The following LRIG2 variants were observed in gnomAD, a reference collection of about 807,000 sequenced individuals.
LRIG2 encodes the protein leucine rich repeats and immunoglobulin like domains 2.
Under a neutral mutation model 107.8 loss-of-function variants are expected in LRIG2, and 93 were observed. That is an observed-to-expected ratio of 0.86 (90% CI 0.73 to 1.03). The LOEUF (loss-of-function observed/expected upper bound fraction) is 1.03, where lower values mean the gene tolerates loss of function less well. Among genes scored for constraint, LRIG2 ranks in the 50% least tolerant of loss-of-function variants. The pLI is 0.00. For synonymous variants in LRIG2, 471 were observed against 470.6 expected (o/e 1.00, Z -0.01); for missense variants, 1,226 against 1,296.0 (o/e 0.95, Z 0.83).
intron 11 of LRIG2, among the ~76,000 whole-genome samples, chr1:113,105,290 TAAC>T (rs1167436232): frequency 3.3e-5 from 5 of 152,198 alleles, no homozygotes; most frequent in African/African-American, 1.2e-4. Flanking sequence ...CACAAGTACT[TAAC>T]AGAGTATACG....
chr1:113,105,759 C>T (rs1466629287), intron 11 of LRIG2, among the ~76,000 whole-genome samples: 3 of 152,104 alleles, frequency 2.0e-5, no homozygotes, highest in Non-Finnish European at 2.9e-5. Context: ...AACACAGTTG[C>T]GTTAAAGTTC....
At chr1:113,079,028 A>G (rs1011351183) in intron 1 of LRIG2, among the ~76,000 whole-genome samples, 10 of 152,292 alleles carry the variant, frequency 6.6e-5, no homozygotes, top group Middle Eastern at 6.8e-3. Flanking sequence ...TAATAGCTTT[A>G]AACCACAAGT....
intron 10 of LRIG2, 26 bp downstream of exon 10, chr1:113,100,308 T>C (rs1187428495): frequency 1.3e-6 from 2 of 1,557,982 alleles, no homozygotes; most frequent in South Asian, 2.3e-5. Flanking sequence ...ACATTTTGCT[T>C]ACTCTATAAA....
intron 13 of LRIG2, 49 bp downstream of exon 13, chr1:113,110,611 T>C (rs761879043): frequency 1.5e-6 from 2 of 1,340,436 alleles, no homozygotes; most frequent in Non-Finnish European, 2.1e-6. Context: ...GGATTTTTCA[T>C]GTTCAGTTTT....
At chr1:113,086,612 G>C (rs1019022238) in intron 1 of LRIG2, among the ~76,000 whole-genome samples, 1 of 152,142 alleles carries the variant, frequency 6.6e-6, no homozygotes, top group Non-Finnish European at 1.5e-5. Flanking sequence ...GTTGCAATTA[G>C]CTTGCTGAAC....
At chr1:113,074,266 AGAG>A (rs781114596) in intron 1 of LRIG2, among the ~76,000 whole-genome samples, 3 of 152,204 alleles carry the variant, frequency 2.0e-5, no homozygotes, top group Admixed American at 6.6e-5. Context: ...TTCACTGTAA[AGAG>A]GAGGAGTATT....
At chr1:113,076,395 T>C (rs1229314189) in intron 1 of LRIG2, among the ~76,000 whole-genome samples, 2 of 152,356 alleles carry the variant, frequency 1.3e-5, no homozygotes, top group East Asian at 3.9e-4. Flanking sequence ...TAAGGTTTGA[T>C]TTTTGTTTAA....
chr1:113,127,432 A>G lies in LRIG2; in HGVS notation c.*3331A>G, dbSNP rs1052271034. 7.4e-6 allele frequency: 1 copy of G among 134,284 alleles called. No homozygotes were observed. The highest frequency in any genetic ancestry group is 1.5e-5 in the Non-Finnish European group (1 of 64,832). 8.3% of individuals were successfully genotyped at this position (134,284 alleles called of 1,614,324 possible). ...TTTTTAGTAGAGATGGGGTTTCACC[A>G]TGTTGGCCAGGCTGGTCTTGAACTC... On this transcript the variant is annotated 3_prime_UTR_variant, in exon 18 of 18. Transcript: ENST00000361127.
intron 2 of LRIG2, among the ~76,000 whole-genome samples, chr1:113,092,761 T>C (rs1262033823): frequency 6.6e-6 from 1 of 152,158 alleles, no homozygotes; most frequent in African/African-American, 2.4e-5. Flanking sequence ...GAGGCCAAGG[T>C]GGGCAGATCA....
intron 15 of LRIG2, among the ~76,000 whole-genome samples, chr1:113,115,600 T>C (rs1248973638): frequency 6.6e-6 from 1 of 151,624 alleles, no homozygotes; most frequent in Non-Finnish European, 1.5e-5. Context: ...TGATCTTGGC[T>C]CAATGCAACT....
At chr1:113,100,740 C>T (rs910872016) in intron 11 of LRIG2, 5 of 325,862 alleles carry the variant, frequency 1.5e-5, no homozygotes, top group Non-Finnish European at 2.3e-5. Context: ...TAGGAGACCT[C>T]AGCACTGCTC....
intron 16 of LRIG2, among the ~76,000 whole-genome samples, chr1:113,118,757 C>G (rs533478034): frequency 6.6e-6 from 1 of 152,028 alleles, no homozygotes; most frequent in Non-Finnish European, 1.5e-5. Context: ...CTCCGCCTCC[C>G]GGGTTCACGC....
In LRIG2 at chr1:113,094,532, G is replaced by A. The variant is rs902451430; in HGVS notation, c.659+50G>A. 8 of 1,574,066 alleles carry A rather than the reference G, an allele frequency of 5.1e-6. No individual in the cohort carries two copies. The African/African-American group carries it at 9.6e-5, about 19-fold the overall frequency. ...TAAGAAGATAGTTTTTTCTTACAGG[G>A]TCTTTTTCTTTTTAATTTAATTACT... On this transcript the variant is annotated intron_variant, in intron 5 of 17. Transcript: ENST00000361127.
intron 1 of LRIG2, among the ~76,000 whole-genome samples, chr1:113,085,603 T>TAA (rs1653513991): frequency 6.6e-6 from 1 of 152,134 alleles, no homozygotes; most frequent in Non-Finnish European, 1.5e-5. Context: ...GATCTTTACC[T>TAA]AATGTTTATC....
chr1:113,117,402 C>CT (rs1325128315), intron 16 of LRIG2, among the ~76,000 whole-genome samples: 1 of 152,162 alleles, frequency 6.6e-6, no homozygotes, highest in Non-Finnish European at 1.5e-5. Flanking sequence ...TCTTCAGAGA[C>CT]TTTTTTAGGC....
At position 113,096,286 on chromosome 1, in the gene LRIG2, G is replaced by A; in HGVS notation, c.1012G>A (p.Glu338Lys). ...TGCCTTTGTGGGTCTGAGCTTATTG[G>A]AGAGATTGAATTTAGGAGACAACAG... is the stretch of plus-strand genomic sequence containing the variant. ...ESAFVGLSLL[E>K]RLNLGDNRVT... Residue 338 changes from glutamate to lysine, a missense_variant, in exon 8 of 18, where the codon GAG (glutamate) becomes AAG (lysine). Physicochemically the swap from Glu to Lys is moderately conservative, Grantham distance 56. Transcript: ENST00000361127. The A allele has an allele frequency of 6.2e-7, 1 of 1,614,178 alleles. No homozygotes were observed.
chr1:113,114,859 A>G lies in LRIG2; in HGVS notation c.2513A>G (p.Tyr838Cys), dbSNP rs781054147. Residue 838 changes from tyrosine to cysteine, a missense_variant, in exon 15 of 18, where the codon TAT (tyrosine) becomes TGT (cysteine). Around this residue, in one of 3 missense-constraint regions of LRIG2, gnomAD observed 642 missense variants for 712.2 expected, o/e 0.90. Transcript: ENST00000361127. ...IYHMRRKNED[Y>C]SITNTEELNL... is the part of the protein sequence containing the mutation. ...CACATGAGAAGGAAAAATGAAGACT[A>G]TAGTATCACAAACACAGGTAAGTAG... 21 of 1,609,328 alleles carry G rather than the reference A, an allele frequency of 1.3e-5. No homozygotes were observed. Among genetic ancestry groups the G allele is most frequent in the Middle Eastern group, 1.6e-4 (1 of 6,072 alleles).
chr1:113,073,618 G>A lies in LRIG2; in HGVS notation c.212G>A (p.Gly71Asp), dbSNP rs762835838. Residue 71 changes from glycine to aspartate, a missense_variant, in exon 1 of 18, where the codon GGC (glycine) becomes GAC (aspartate). Physicochemically the swap from Gly to Asp is moderately conservative, Grantham distance 94 (BLOSUM62 -1). Transcript: ENST00000361127. ...GCACCGAGCTGGAGGGCGCTGTCGG[G>A]CTTGCTGCCCCCCGACACCGCTATC... ...LPAPSWRALS[G>D]LLPPDTAILD... The A allele has an allele frequency of 1.2e-6, 2 of 1,613,216 alleles. No individual in the cohort carries two copies. Among genetic ancestry groups the A allele is most frequent in the East Asian group, 2.2e-5 (1 of 44,876 alleles).
chr1:113,124,486 A>T lies in LRIG2; in HGVS notation c.*385A>T, dbSNP rs1006215948. ...GAAAACATCACTACTTCGATGTTCT[A>T]CTTTGCTTTCCAAGGAGCAAAAATA... On this transcript the variant is annotated 3_prime_UTR_variant, in exon 18 of 18. Transcript: ENST00000361127. 10 of 209,594 alleles carry T rather than the reference A, an allele frequency of 4.8e-5. No homozygotes were observed. The highest frequency in any genetic ancestry group is 2.3e-4 in the African/African-American group (10 of 42,992). The allele number at this position is 209,594 out of a possible 1,614,324, so 13.0% of individuals were successfully genotyped here.
Sources: allele counts gnomAD v4.1 joint callset (sites outside exome capture counted in the v4.1 genomes callset), GRCh38; gene constraint gnomAD v4.1.1; regional missense constraint gnomAD v4.1.1; transcripts MANE v1.5; gene names NCBI Gene and HGNC (gene_info 2026-07-23, HGNC 2026-07-21).